Variants in ANO10 observed in about 807,000 individuals in gnomAD.
ANO10 encodes anoctamin 10.
Under a neutral mutation model 74.7 loss-of-function variants are expected in ANO10, and 77 were observed. That is an observed-to-expected ratio of 1.03 (90% confidence interval 0.86 to 1.25). The LOEUF (loss-of-function observed/expected upper bound fraction) is 1.25. Ranked by LOEUF, ANO10 falls within the 50% of genes most tolerant of loss-of-function variation. The pLI is 0.00. For missense variants in ANO10, 721 were observed against 778.1 expected (o/e 0.93, Z 0.87); for synonymous variants, 279 against 284.9 (o/e 0.98, Z 0.21).
intron 12 of ANO10, among the ~76,000 whole-genome samples, chr3:43,375,560 G>T (rs1414925001): frequency 6.6e-6 from 1 of 152,186 alleles, no homozygotes; most frequent in Non-Finnish European, 1.5e-5. Flanking sequence ...ACCACAGTGA[G>T]ACAGTTGGCA....
intron 2 of ANO10, among the ~76,000 whole-genome samples, chr3:43,603,401 C>T (rs1372266788): frequency 1.3e-5 from 2 of 151,674 alleles, no homozygotes; most frequent in Non-Finnish European, 2.9e-5. Flanking sequence ...TACCTTTTTG[C>T]TCTTCTTTCT....
intron 12 of ANO10, among the ~76,000 whole-genome samples, chr3:43,391,838 C>A (rs1247501513): frequency 6.6e-6 from 1 of 152,244 alleles, no homozygotes; most frequent in African/African-American, 2.4e-5. Context: ...TGAGAGAGAT[C>A]CTGAGTCAGA....
chr3:43,667,731 T>A (rs1043499076), intron 1 of ANO10, among the ~76,000 whole-genome samples: 5 of 152,214 alleles, frequency 3.3e-5, no homozygotes, highest in Non-Finnish European at 7.3e-5. Context: ...CTTAAAATTA[T>A]GGCCTCCAGC....
chr3:43,585,753 C>A (rs1467292937), intron 4 of ANO10, among the ~76,000 whole-genome samples: 1 of 152,152 alleles, frequency 6.6e-6, no homozygotes, highest in East Asian at 1.9e-4. Context: ...GATGCAGTAC[C>A]CAGCTGTGTC....
chr3:43,499,855 TCTCA>T (rs1317986554), intron 11 of ANO10, among the ~76,000 whole-genome samples: 3 of 149,858 alleles, frequency 2.0e-5, no homozygotes, highest in African/African-American at 7.4e-5. Context: ...TGAGACAGAG[TCTCA>T]CTCACTCTAT....
intron 11 of ANO10, among the ~76,000 whole-genome samples, chr3:43,466,748 C>T (rs965252975): frequency 7.9e-5 from 12 of 152,056 alleles, no homozygotes; most frequent in Admixed American, 1.3e-4. Context: ...AAACACACAA[C>T]GAGAAACTGT....
At chr3:43,434,950 A>G (rs1035031137) in intron 11 of ANO10, among the ~76,000 whole-genome samples, 1 of 152,228 alleles carries the variant, frequency 6.6e-6, no homozygotes, top group Non-Finnish European at 1.5e-5. Flanking sequence ...CAAAAAATAT[A>G]GCATCTTCAC....
At chr3:43,663,217 G>T (rs1423836764) in intron 1 of ANO10, among the ~76,000 whole-genome samples, 1 of 152,140 alleles carries the variant, frequency 6.6e-6, no homozygotes, top group Non-Finnish European at 1.5e-5. Context: ...CTTCATCCCT[G>T]GGATGCAAGA....
chr3:43,655,030 G>A (rs2083831694), intron 1 of ANO10, among the ~76,000 whole-genome samples: 1 of 152,166 alleles, frequency 6.6e-6, no homozygotes, highest in Non-Finnish European at 1.5e-5. Flanking sequence ...AAAGCACAGG[G>A]ATCACAGACT....
intron 11 of ANO10, among the ~76,000 whole-genome samples, chr3:43,442,162 C>T (rs181988463): frequency 6.6e-6 from 1 of 151,748 alleles, no homozygotes; most frequent in Non-Finnish European, 1.5e-5. Flanking sequence ...TTCTTAATTG[C>T]CAGAGCAATT....
intron 12 of ANO10, among the ~76,000 whole-genome samples, chr3:43,411,836 G>A (rs2092670055): frequency 6.6e-6 from 1 of 152,034 alleles, no homozygotes; most frequent in African/African-American, 2.4e-5. Context: ...ATAGCTGTGT[G>A]CTAACCAACC....
At chr3:43,674,484 G>A (rs1164292200) in intron 1 of ANO10, among the ~76,000 whole-genome samples, 1 of 151,986 alleles carries the variant, frequency 6.6e-6, no homozygotes, top group Admixed American at 6.6e-5. Context: ...AAGTTTTCCT[G>A]AGGTGACTGC....
At chr3:43,428,387 GA>G (rs1367060791) in intron 12 of ANO10, among the ~76,000 whole-genome samples, 1 of 151,998 alleles carries the variant, frequency 6.6e-6, no homozygotes, top group East Asian at 1.9e-4. Context: ...ATAATTAAAA[GA>G]AAAAAATTTA....
intron 1 of ANO10, among the ~76,000 whole-genome samples, chr3:43,665,487 C>T (rs1048776127): frequency 6.6e-6 from 1 of 151,986 alleles, no homozygotes; most frequent in Non-Finnish European, 1.5e-5. Flanking sequence ...CAAAACTGCA[C>T]GTTCTGCACA....
At chr3:43,494,368 G>C (rs1414329335) in intron 11 of ANO10, among the ~76,000 whole-genome samples, 7 of 152,154 alleles carry the variant, frequency 4.6e-5, no homozygotes, top group Non-Finnish European at 2.9e-5. Flanking sequence ...CAGGAGAATT[G>C]CTTGAACCCA....
chr3:43,388,276 G>A (rs2092182293), intron 12 of ANO10, among the ~76,000 whole-genome samples: 1 of 152,092 alleles, frequency 6.6e-6, no homozygotes, highest in African/African-American at 2.4e-5. Context: ...CGGCATTGGT[G>A]GGCTGAGATA....
At chr3:43,378,818 T>C (rs898962875) in intron 12 of ANO10, among the ~76,000 whole-genome samples, 12 of 152,202 alleles carry the variant, frequency 7.9e-5, no homozygotes, top group Non-Finnish European at 1.6e-4. Context: ...CTATGCTTGA[T>C]TTTTGTGTAG....
intron 1 of ANO10, among the ~76,000 whole-genome samples, chr3:43,613,599 G>A (rs2082939839): frequency 1.3e-5 from 2 of 152,178 alleles, no homozygotes; most frequent in South Asian, 4.1e-4. Context: ...ATCTCAGTAA[G>A]TAAATCTATT....
chr3:43,621,342 G>T (rs1020782354), intron 1 of ANO10, among the ~76,000 whole-genome samples: 2 of 152,048 alleles, frequency 1.3e-5, no homozygotes, highest in Non-Finnish European at 2.9e-5. Context: ...GTATGTCCCA[G>T]TCAAAAGCCT....
Sources: allele counts gnomAD v4.1 joint callset (sites outside exome capture counted in the v4.1 genomes callset), GRCh38; gene constraint gnomAD v4.1.1; transcripts MANE v1.5; gene names NCBI Gene and HGNC (gene_info 2026-07-23, HGNC 2026-07-21).